SLCO1B3: variants seen among roughly 807,000 people sequenced by gnomAD.
SLCO1B3 encodes liver-specific organic anion transporter 2.
SLCO1B3 carries 72 observed loss-of-function variants against 71.8 expected under a neutral mutation model. That is an observed-to-expected ratio of 1.00 (90% CI 0.83 to 1.22). SLCO1B3 has a LOEUF of 1.22. Ranked by LOEUF, SLCO1B3 falls within the 50% of genes most tolerant of loss-of-function variation. The pLI, the probability that SLCO1B3 is intolerant of heterozygous loss-of-function variation, is 0.00. For synonymous variants in SLCO1B3, 298 were observed against 278.4 expected (o/e 1.07, Z -0.70); for missense variants, 911 against 819.7 (o/e 1.11, Z -1.36).
chr12:20,902,682 G>A (rs1391273057), intron 15 of SLCO1B3, among the ~76,000 whole-genome samples: 2 of 152,142 alleles, frequency 1.3e-5, no homozygotes, highest in Admixed American at 1.3e-4. Context: ...GGTATTGTAA[G>A]CAAAGTTCAA....
intron 15 of SLCO1B3, among the ~76,000 whole-genome samples, chr12:20,910,397 T>C (rs1020873385): frequency 6.6e-6 from 1 of 152,210 alleles, no homozygotes; most frequent in South Asian, 2.1e-4. Flanking sequence ...AGTCCTATTA[T>C]TGTGTTCTTA....
intron 13 of SLCO1B3, among the ~76,000 whole-genome samples, chr12:20,885,016 C>G (rs1440990367): frequency 6.6e-6 from 1 of 152,070 alleles, no homozygotes; most frequent in South Asian, 2.1e-4. Context: ...TAATTTCATA[C>G]TAGTTTGCCT....
chr12:20,897,178 T>C (rs1349378761), intron 13 of SLCO1B3, among the ~76,000 whole-genome samples: 1 of 152,236 alleles, frequency 6.6e-6, no homozygotes, highest in Non-Finnish European at 1.5e-5. Flanking sequence ...GCTAACAAAG[T>C]GCTGCTGTCC....
At chr12:20,883,981 T>A (rs1865744952) in intron 13 of SLCO1B3, among the ~76,000 whole-genome samples, 1 of 152,226 alleles carries the variant, frequency 6.6e-6, no homozygotes, top group South Asian at 2.1e-4. Flanking sequence ...AGAAAACATT[T>A]AGCAACCAGG....
chr12:20,914,685 G>C (rs530218257), intron 15 of SLCO1B3, among the ~76,000 whole-genome samples: 77 of 152,042 alleles, frequency 5.1e-4, no homozygotes, highest in African/African-American at 1.8e-3. Context: ...AAGATTTCTT[G>C]CAAGGAGAGT....
chr12:20,851,935 G>A (rs369594718), intron 3 of SLCO1B3, among the ~76,000 whole-genome samples: 1 of 152,082 alleles, frequency 6.6e-6, no homozygotes, highest in East Asian at 1.9e-4. Flanking sequence ...GTCATGCAGT[G>A]TTGGCACCCT....
intron 5 of SLCO1B3, among the ~76,000 whole-genome samples, chr12:20,860,472 G>A (rs956577571): frequency 4.6e-5 from 7 of 152,170 alleles, no homozygotes; most frequent in East Asian, 1.9e-4. Context: ...CTCACAGAGC[G>A]GTTAGTATTT....
chr12:20,837,026 T>C (rs1864697949), intron 3 of SLCO1B3, among the ~76,000 whole-genome samples: 1 of 152,216 alleles, frequency 6.6e-6, no homozygotes, highest in African/African-American at 2.4e-5. Flanking sequence ...AGTTTTTTCT[T>C]GTAGGAGTTT....
At chr12:20,835,041 G>T (rs1375964458) in intron 3 of SLCO1B3, among the ~76,000 whole-genome samples, 3 of 152,106 alleles carry the variant, frequency 2.0e-5, no homozygotes, top group African/African-American at 4.8e-5. Context: ...CTTGACTTCT[G>T]TGCACCTGTA....
intron 13 of SLCO1B3, among the ~76,000 whole-genome samples, chr12:20,894,575 T>C (rs902007413): frequency 2.6e-5 from 4 of 152,140 alleles, no homozygotes; most frequent in African/African-American, 9.7e-5. Context: ...GTTTACCTTG[T>C]GTGTGTAGTA....
chr12:20,870,146 A>G (rs1865450725), intron 8 of SLCO1B3, among the ~76,000 whole-genome samples: 1 of 152,084 alleles, frequency 6.6e-6, no homozygotes, highest in Non-Finnish European at 1.5e-5. Flanking sequence ...AGAAATTTCT[A>G]TTCAGGTCTT....
At chr12:20,819,535 T>A (rs937427756) in intron 3 of SLCO1B3, among the ~76,000 whole-genome samples, 1 of 152,028 alleles carries the variant, frequency 6.6e-6, no homozygotes, top group African/African-American at 2.4e-5. Context: ...AGGGAGGTAT[T>A]GAGGATAGTA....
Position 20,898,428 on chromosome 12 carries a change from T to C in SLCO1B3, c.1683-8T>C. 1 of 1,575,884 alleles carries C rather than the reference T, an allele frequency of 6.3e-7. No homozygotes were observed. The highest frequency in any genetic ancestry group is 8.7e-7 in the Non-Finnish European group (1 of 1,148,434). On this transcript the variant is annotated splice_polypyrimidine_tract_variant and splice_region_variant and intron_variant, in intron 13 of 15. Transcript: ENST00000381545. ...ATGTATTATTTCTTTGCCTTTATCA[T>C]ATTTCAGGATTGTTCAACCTGAATT... is the stretch of plus-strand genomic sequence containing the variant.
intron 15 of SLCO1B3, among the ~76,000 whole-genome samples, chr12:20,912,495 A>ATTTTTTTTTTTTTTTTG (rs1866402811): frequency 8.4e-6 from 1 of 118,926 alleles, no homozygotes. Context: ...CACCTGGCTA[A>ATTTTTTTTTTTTTTTTG]TTTTTTTTTT....
At position 20,901,379 on chromosome 12, in the gene SLCO1B3, G is replaced by A. The variant is rs1866129347; in HGVS notation, c.1777G>A (p.Ala593Thr). The A allele has an allele frequency of 1.3e-6, 2 of 1,585,810 alleles. No homozygotes were observed. The highest frequency in any genetic ancestry group is 1.2e-5 in the South Asian group (1 of 84,160). The change falls in exon 15 of 16, where the codon GCT becomes ACT. Residue 593 changes from alanine (A) to threonine (T), a missense_variant. Ala to Thr is a moderately conservative substitution (Grantham distance 58). Transcript: ENST00000381545. ...GGILAPIYFGALIDKTCMKWS... is the reference protein window; with the variant it reads ...GGILAPIYFGTLIDKTCMKWS... Reference sequence around the variant, plus strand: ...AATTCTAGCTCCAATATATTTTGGGGCTCTGATTGATAAAACATGTATGAA... The same window carrying A: ...AATTCTAGCTCCAATATATTTTGGGACTCTGATTGATAAAACATGTATGAA...
At chr12:20,831,356 CAAAAA>C (rs35410136) in intron 3 of SLCO1B3, among the ~76,000 whole-genome samples, 6 of 91,210 alleles carry the variant, frequency 6.6e-5, no homozygotes, top group South Asian at 3.7e-4. Context: ...GACGCCATAT[CAAAAA>C]AAAAAAAAAA....
intron 9 of SLCO1B3, 65 bp from the exon 10 acceptor site, chr12:20,877,707 T>C: frequency 1.4e-6 from 1 of 695,832 alleles, no homozygotes; most frequent in Admixed American, 4.4e-5. Flanking sequence ...ATAACTTATA[T>C]TTACAAAATT....
At position 20,822,105 on chromosome 12, in the gene SLCO1B3, C is replaced by T. The variant is rs1201961413; in HGVS notation, c.84+6283C>T. Among the ~76,000 whole-genome samples, 3 of 152,292 alleles carry T rather than the reference C, an allele frequency of 2.0e-5. No individual in the cohort carries two copies. The East Asian group carries it at 5.8e-4, about 30-fold the overall frequency. The stretch of plus-strand genomic sequence containing the variant: ...TGAGGACCTGAGGTCGTAGATGGAT[C>T]TTTCTCACGGAGCAAAGAGCAGGAG... On this transcript the variant is annotated intron_variant, in intron 3 of 15. Coordinates refer to ENST00000381545, the MANE Select transcript of SLCO1B3 (RefSeq NM_019844.4).
At chr12:20,880,819 C>T (rs369540483) in intron 11 of SLCO1B3, 36 bp from the exon 12 acceptor site, 4 of 1,450,912 alleles carry the variant, frequency 2.8e-6, no homozygotes, top group Non-Finnish European at 3.8e-6. Flanking sequence ...CTTCCTCTTT[C>T]TCTTTTTTTG....
Sources: gnomAD v4.1 joint callset for allele counts (sites outside exome capture counted in the v4.1 genomes callset) on GRCh38, gnomAD v4.1.1 for gene constraint, MANE v1.5 for transcripts, NCBI Gene and HGNC (gene_info 2026-07-23, HGNC 2026-07-21) for gene names.